The following RSRC1 variants were observed in gnomAD, a reference collection of about 807,000 sequenced individuals.
RSRC1 encodes the protein serine/Arginine-related protein 53.
In RSRC1, 39 loss-of-function variants were observed where a neutral mutation model predicts 49.1. The observed-to-expected ratio is 0.79, with a 90% CI of 0.61 to 1.04. RSRC1 has a LOEUF of 1.04. RSRC1 is among the 50% of genes least tolerant of loss of function. The probability of loss-of-function intolerance (pLI) is 0.00; values close to 1 mark genes in which losing one functional copy is unlikely to be tolerated. For synonymous variants in RSRC1, 143 were observed against 130.8 expected, an observed-to-expected ratio of 1.09 and a Z score of -0.63; for missense variants, 388 against 402.4, an observed-to-expected ratio of 0.96 and a Z score of 0.31.
chr3:158,399,356 C>G (rs1300054074), intron 6 of RSRC1, among the ~76,000 whole-genome samples: 1 of 90,940 alleles, frequency 1.1e-5, no homozygotes, highest in African/African-American at 4.8e-5. Context: ...CGGGGTTTCA[C>G]CGTTTTAGCC....
chr3:158,443,781 G>A (rs1436022146), intron 6 of RSRC1, among the ~76,000 whole-genome samples: 1 of 152,240 alleles, frequency 6.6e-6, no homozygotes, highest in African/African-American at 2.4e-5. Context: ...TTCTCACTAA[G>A]CTTAGTCATT....
intron 3 of RSRC1, among the ~76,000 whole-genome samples, chr3:158,194,450 C>T (rs148715716): frequency 7.0e-6 from 1 of 142,182 alleles, no homozygotes; most frequent in African/African-American, 2.6e-5. Context: ...CCATGACATT[C>T]TTCTTTTGTG....
At chr3:158,251,168 C>G (rs1313357044) in intron 4 of RSRC1, among the ~76,000 whole-genome samples, 2 of 152,038 alleles carry the variant, frequency 1.3e-5, no homozygotes, top group Non-Finnish European at 2.9e-5. Context: ...CTATTCTGTT[C>G]CATTGGTCTG....
intron 6 of RSRC1, among the ~76,000 whole-genome samples, chr3:158,394,000 C>G (rs1028598987): frequency 6.6e-6 from 1 of 151,990 alleles, no homozygotes; most frequent in African/African-American, 2.4e-5. Context: ...GTTGATTCAG[C>G]ACATGCAAAT....
chr3:158,485,987 G>GA (rs929700589), intron 7 of RSRC1, among the ~76,000 whole-genome samples: 1 of 152,060 alleles, frequency 6.6e-6, no homozygotes, highest in Non-Finnish European at 1.5e-5. Context: ...AAATATGAAA[G>GA]AAAAAATCAT....
intron 5 of RSRC1, among the ~76,000 whole-genome samples, chr3:158,340,580 C>T (rs141101790): frequency 0.027 from 4,153 of 152,186 alleles, 63 homozygotes; most frequent in Non-Finnish European, 0.04. Context: ...AAAAGAAGTG[C>T]CTTTTGCCTC....
At chr3:158,311,343 AT>A (rs1293218679) in intron 5 of RSRC1, among the ~76,000 whole-genome samples, 1 of 151,934 alleles carries the variant, frequency 6.6e-6, no homozygotes, top group Non-Finnish European at 1.5e-5. Context: ...TTGGATGAAT[AT>A]TTTAAATGCT....
intron 4 of RSRC1, among the ~76,000 whole-genome samples, chr3:158,219,189 T>G (rs1722105994): frequency 6.6e-6 from 1 of 151,634 alleles, no homozygotes; most frequent in Non-Finnish European, 1.5e-5. Context: ...ACCATTTTTA[T>G]TCCTCTTTTT....
chr3:158,179,282 C>G (rs190766026), intron 3 of RSRC1, among the ~76,000 whole-genome samples: 18 of 152,214 alleles, frequency 1.2e-4, no homozygotes, highest in Non-Finnish European at 1.5e-5. Flanking sequence ...TAATATTTTG[C>G]AAAACTGTAG....
At chr3:158,433,093 A>G (rs966050444) in intron 6 of RSRC1, among the ~76,000 whole-genome samples, 1 of 151,926 alleles carries the variant, frequency 6.6e-6, no homozygotes, top group East Asian at 1.9e-4. Context: ...ATCAGTAGCA[A>G]TTTCATTCAG....
chr3:158,288,522 A>C (rs1726712017), intron 4 of RSRC1, among the ~76,000 whole-genome samples: 1 of 152,148 alleles, frequency 6.6e-6, no homozygotes, highest in Admixed American at 6.5e-5. Flanking sequence ...TGTGGGAAGT[A>C]CCAGATAGGT....
intron 5 of RSRC1, among the ~76,000 whole-genome samples, chr3:158,351,914 AT>A (rs1730900372): frequency 6.9e-6 from 1 of 143,942 alleles, no homozygotes; most frequent in African/African-American, 2.7e-5. Context: ...TTATATAAAT[AT>A]TATATATATA....
At chr3:158,199,678 A>T (rs886786496) in intron 3 of RSRC1, among the ~76,000 whole-genome samples, 1 of 152,168 alleles carries the variant, frequency 6.6e-6, no homozygotes, top group Non-Finnish European at 1.5e-5. Flanking sequence ...ACGTTGCTTT[A>T]TCTGCATCCC....
At chr3:158,269,644 C>T (rs1346621993) in intron 4 of RSRC1, among the ~76,000 whole-genome samples, 1 of 152,080 alleles carries the variant, frequency 6.6e-6, no homozygotes, top group African/African-American at 2.4e-5. Flanking sequence ...TCCCGAGTAG[C>T]TGGGACTACA....
intron 7 of RSRC1, among the ~76,000 whole-genome samples, chr3:158,533,228 A>C (rs1315512482): frequency 4.0e-5 from 6 of 151,754 alleles, no homozygotes; most frequent in African/African-American, 1.2e-4. Context: ...TCAAATTTTA[A>C]TTTAACATGC....
rs189973591 is a variant in RSRC1 at position 158,282,467 on chromosome 3, T to C, written c.495-15572T>C. Among the ~76,000 whole-genome samples the C allele has an allele frequency of 1.0e-3, 157 of 152,370 alleles. 4 individuals carry two copies. The Middle Eastern group carries it at 0.014, about 13-fold the overall frequency. On this transcript the variant is annotated intron_variant, in intron 4 of 9. Transcript: ENST00000611884. ...GTGGCTTTGTTTTTTCTGATGTTAA[T>C]GTATTGAACAATCCTCATCAAAGGT... is the stretch of plus-strand genomic sequence containing the variant.
At chr3:158,299,143 TA>T (rs964060123) in intron 5 of RSRC1, among the ~76,000 whole-genome samples, 1 of 152,060 alleles carries the variant, frequency 6.6e-6, no homozygotes, top group African/African-American at 2.4e-5. Flanking sequence ...TTTTCATCAT[TA>T]AAAAATATTT....
At chr3:158,173,527 A>G (rs1317251910) in intron 3 of RSRC1, among the ~76,000 whole-genome samples, 1 of 151,980 alleles carries the variant, frequency 6.6e-6, no homozygotes, top group East Asian at 1.9e-4. Flanking sequence ...GTATGTATAT[A>G]TCACTAAATA....
intron 6 of RSRC1, among the ~76,000 whole-genome samples, chr3:158,401,044 T>G (rs1315240323): frequency 6.6e-6 from 1 of 152,054 alleles, no homozygotes; most frequent in Non-Finnish European, 1.5e-5. Context: ...CAACTACCCA[T>G]AGTATTCAGG....
Sources: allele counts gnomAD v4.1 joint callset (sites outside exome capture counted in the v4.1 genomes callset), GRCh38; gene constraint gnomAD v4.1.1; transcripts MANE v1.5; gene names NCBI Gene and HGNC (gene_info 2026-07-23, HGNC 2026-07-21).